WDR38: variants seen among roughly 807,000 people sequenced by gnomAD.
WDR38 encodes WD repeat-containing protein 38.
Under a neutral mutation model 36.6 loss-of-function variants are expected in WDR38, and 37 were observed. That is an observed-to-expected ratio of 1.01 (90% CI 0.78 to 1.33). The LOEUF is 1.33. Among genes scored for constraint, WDR38 ranks in the 40% most tolerant of loss-of-function variants. The pLI is 0.00. For synonymous variants in WDR38, 164 were observed against 168.1 expected (o/e 0.98, Z 0.19); for missense variants, 411 against 414.6 (o/e 0.99, Z 0.07).
chr9:124,857,803 G>C lies in WDR38; in HGVS notation c.*173G>C. 6.6e-7 allele frequency: 1 copy of C among 1,522,414 alleles called. No homozygotes were observed. The highest frequency in any genetic ancestry group is 8.9e-7 in the Non-Finnish European group (1 of 1,123,316). 94.3% of individuals were successfully genotyped at this position (1,522,414 alleles called of 1,614,324 possible). A position where few individuals can be genotyped will look rare whatever the true frequency, so the allele number is the denominator to read the frequency against. ...ACTGTGGTGGGCAGGACGCTTGCTG[G>C]AACCCATCAGACACCTGGTCCCCAA... On this transcript the variant is annotated 3_prime_UTR_variant, in exon 9 of 9. Coordinates refer to ENST00000373574, the MANE Select transcript of WDR38 (RefSeq NM_001045476.3).
chr9:124,856,719 G>A lies in WDR38; in HGVS notation c.619-13G>A, dbSNP rs773114326. ...GCCCCAAACCCTGGGGATCAGAGCT[G>A]TCTGCTGTCCAGGCATCCGGCTCCT... On this transcript the variant is annotated splice_polypyrimidine_tract_variant and intron_variant, in intron 6 of 8. Transcript: ENST00000373574. 19 of 1,613,868 alleles carry A rather than the reference G, an allele frequency of 1.2e-5. No homozygotes were observed. Among genetic ancestry groups the A allele is most frequent in the Non-Finnish European group, 1.6e-5 (19 of 1,179,980 alleles).
rs745554875 is a variant in WDR38, at chr9:124,853,626, A to G, written c.69+26A>G. On this transcript the variant is annotated intron_variant, in intron 1 of 8. Transcript: ENST00000373574. ...GTGAGGTCCAGCGGGCTCTGCCCAG[A>G]CTCCCGGCTTTGGATGCAGAGTGGT... The G allele has an allele frequency of 3.9e-6, 5 of 1,268,520 alleles. No individual in the cohort carries two copies. The Admixed American group carries it at 1.2e-4, about 30-fold the overall frequency. 78.6% of individuals were successfully genotyped at this position (1,268,520 alleles called of 1,614,324 possible).
chr9:124,854,043 C>T (rs558426519), intron 1 of WDR38, among the ~76,000 whole-genome samples, 162 bp from the exon 2 acceptor site: 2 of 152,198 alleles, frequency 1.3e-5, no homozygotes, highest in South Asian at 4.2e-4. Context: ...TTACGGGACT[C>T]GAGAGAGGGC....
intron 7 of WDR38, among the ~76,000 whole-genome samples, chr9:124,857,153 T>C (rs1829097828): frequency 6.6e-6 from 1 of 152,284 alleles, no homozygotes; most frequent in South Asian, 2.1e-4. Context: ...AAACAAAACC[T>C]ACACCAAGAG....
In WDR38 at chr9:124,854,297, G is replaced by T. The variant is rs1380474641; in HGVS notation, c.162G>T (p.Gln54His). The T allele has an allele frequency of 6.2e-7, 1 of 1,613,932 alleles. No individual in the cohort carries two copies. Among genetic ancestry groups the T allele is most frequent in the Non-Finnish European group, 8.5e-7 (1 of 1,180,020 alleles). The change falls in exon 2 of 9, where the codon CAG becomes CAT. Residue 54 changes from glutamine (Q) to histidine (H), a missense_variant. By Grantham distance (24) the Gln-to-His change is conservative (BLOSUM62 0). Transcript: ENST00000373574. Reference protein sequence around the residue: ...CVYGWETRSGQLLWRLGGHTG... With the variant: ...CVYGWETRSGHLLWRLGGHTG... ...ATGGCTGGGAGACCCGGAGTGGGCA[G>T]CTGCTGTGGAGGCTGGGTGGCCACA...
In WDR38 at chr9:124,856,877, G is replaced by A. The variant is rs373275817; in HGVS notation, c.764G>A (p.Arg255His). 46 of 1,613,650 alleles carry A rather than the reference G, an allele frequency of 2.9e-5. No homozygotes were observed. Among genetic ancestry groups the A allele is most frequent in the East Asian group, 2.5e-4 (11 of 44,888 alleles). The change falls in exon 7 of 9, where the codon CGC becomes CAC. Residue 255 changes from arginine (R) to histidine (H), a missense_variant. Transcript: ENST00000373574. ...TGGCTGGCCAGCGCCGGCTATTCCCGCATGGTAACCACCCCGGGCCCATCC... is the reference window on the plus strand; with the variant it reads ...TGGCTGGCCAGCGCCGGCTATTCCCACATGGTAACCACCCCGGGCCCATCC... ...ELWLASAGYS[R>H]MVKVWDCNTG... is the part of the protein sequence containing the mutation.
chr9:124,853,502 C>T lies in WDR38; in HGVS notation c.-30C>T. Reference sequence around the variant, plus strand: ...GGTCCCGCGGCCGCCTAGGAGGGAGCCCGCCGGGGCGGGGCGGGGCCGGGT... The same window carrying T: ...GGTCCCGCGGCCGCCTAGGAGGGAGTCCGCCGGGGCGGGGCGGGGCCGGGT... On this transcript the variant is annotated 5_prime_UTR_variant, in exon 1 of 9. Coordinates refer to ENST00000373574, the MANE Select transcript of WDR38 (RefSeq NM_001045476.3). The T allele has an allele frequency of 8.1e-7, 1 of 1,239,276 alleles. No individual in the cohort carries two copies. The highest frequency in any genetic ancestry group is 1.0e-6 in the Non-Finnish European group (1 of 984,260). The allele number at this position is 1,239,276 out of a possible 1,614,324, so 76.8% of individuals were successfully genotyped here.
intron 2 of WDR38, among the ~76,000 whole-genome samples, chr9:124,855,087 T>C (rs1829012638): frequency 6.6e-6 from 1 of 152,174 alleles, no homozygotes; most frequent in African/African-American, 2.4e-5. Context: ...AGTATTTGTC[T>C]TTTTGTGACT....
rs115188216 is a variant in WDR38, at chr9:124,856,113, G to A, written c.406-127G>A. 5.0e-3 allele frequency: 7,570 copies of A among 1,517,740 alleles called. 308 individuals are homozygous for A. In the African/African-American group the frequency reaches 0.088, roughly 18 times the overall value. The allele number at this position is 1,517,740 out of a possible 1,614,324, so 94.0% of individuals were successfully genotyped here. A position where few individuals can be genotyped will look rare whatever the true frequency, so the allele number is the denominator to read the frequency against. On this transcript the variant is annotated intron_variant, in intron 4 of 8. Coordinates refer to ENST00000373574, the MANE Select transcript of WDR38 (RefSeq NM_001045476.3). ...AGGCTGCCCCCACCTGGCCACAGCC[G>A]CCTCTCCAGGCTTCCTTGCACACAG...
rs202130392 is a variant in WDR38, at chr9:124,857,466, G to C, written c.817-36G>C. On this transcript the variant is annotated intron_variant, in intron 8 of 8. Coordinates refer to ENST00000373574, the MANE Select transcript of WDR38 (RefSeq NM_001045476.3). Reference sequence around the variant, plus strand: ...GCTGTGGACAGCTTCTCCCAAGGCAGGACTTGCCTCGAGCCCCACCTTCTA... The same window carrying C: ...GCTGTGGACAGCTTCTCCCAAGGCACGACTTGCCTCGAGCCCCACCTTCTA... 8.9e-5 allele frequency: 143 copies of C among 1,614,154 alleles called. No individual in the cohort carries two copies. The East Asian group carries it at 1.3e-3, about 14-fold the overall frequency.
chr9:124,855,871 G>T lies in WDR38; in HGVS notation c.318G>T (p.Arg106=). ...GGCTGGTGCCTGCAGGTCACCAACG[G>T]AGTGTGGAGACGGTCAGCTTCAGCC... ...KCLRVLKGHQ[R]SVETVSFSPD... is the part of the protein sequence containing the mutation. The change falls in exon 4 of 9, where the codon CGG becomes CGT. Residue 106 remains arginine, a synonymous_variant. Coordinates refer to ENST00000373574, the MANE Select transcript of WDR38 (RefSeq NM_001045476.3). 1 of 1,614,160 alleles carries T rather than the reference G, an allele frequency of 6.2e-7. No homozygotes were observed. Among genetic ancestry groups the T allele is most frequent in the Middle Eastern group, 1.6e-4 (1 of 6,062 alleles).
chr9:124,854,352 G>A (rs766018581), intron 2 of WDR38, 27 bp downstream of exon 2: 3 of 1,611,852 alleles, frequency 1.9e-6, no homozygotes. Context: ...TGGCCGGGAA[G>A]ACCGAGGCAC....
rs374937734 is a variant in WDR38 at position 124,854,245 on chromosome 9, T to C, written c.110T>C (p.Leu37Pro). ...TTCTCCCCTGATGGCCAGATGCTGC[T>C]CACAGGCTCAGAAGATGGCTGCGTG... ...SAFSPDGQML[L>P]TGSEDGCVYG... is the part of the protein sequence containing the mutation. The change falls in exon 2 of 9, where the codon CTC becomes CCC. Residue 37 changes from leucine to proline, a missense_variant. Coordinates refer to ENST00000373574, the MANE Select transcript of WDR38 (RefSeq NM_001045476.3). 3.7e-6 allele frequency: 6 copies of C among 1,614,118 alleles called. No individual in the cohort carries two copies. The highest frequency in any genetic ancestry group is 5.1e-6 in the Non-Finnish European group (6 of 1,179,994).
chr9:124,856,222 GCT>G lies in WDR38; in HGVS notation c.406-16_406-15del, dbSNP rs1829059872. On this transcript the variant is annotated splice_polypyrimidine_tract_variant and intron_variant, in intron 4 of 8. Transcript: ENST00000373574. ...CGGCTGCCCTCTGCTGCCTTCTGCAGCTCAGGGCTCTCTCTAGTCCGGCCAGA... is the reference window on the plus strand; with the variant it reads ...CGGCTGCCCTCTGCTGCCTTCTGCAGCAGGGCTCTCTCTAGTCCGGCCAGA... The G allele has an allele frequency of 1.2e-6, 2 of 1,613,992 alleles. No individual in the cohort carries two copies. The highest frequency in any genetic ancestry group is 3.3e-5 in the Admixed American group (2 of 60,016).
intron 2 of WDR38, among the ~76,000 whole-genome samples, chr9:124,855,082 T>G (rs563182489): frequency 1.9e-4 from 29 of 152,272 alleles, no homozygotes; most frequent in Admixed American, 1.8e-3. Flanking sequence ...CACACAGTAT[T>G]TGTCTTTTTG....
At chr9:124,856,970 C>T (rs1829092454) in intron 7 of WDR38, 89 bp downstream of exon 7, 1 of 1,574,396 alleles carries the variant, frequency 6.4e-7, no homozygotes, top group South Asian at 1.1e-5. Flanking sequence ...GCCCACATCC[C>T]CACTTGCCCT....
intron 2 of WDR38, 50 bp downstream of exon 2, chr9:124,854,375 T>C (rs532251250): frequency 4.3e-5 from 69 of 1,607,188 alleles, no homozygotes; most frequent in African/African-American, 5.3e-5. Flanking sequence ...GGGTCTGGCA[T>C]GCTGCAGAGC....
rs1258488648 is a variant in WDR38, at chr9:124,856,479, C to A, written c.497C>A (p.Ser166Tyr). The A allele has an allele frequency of 3.1e-6, 5 of 1,612,158 alleles. No homozygotes were observed. The highest frequency in any genetic ancestry group is 3.3e-5 in the Admixed American group (2 of 59,790). Residue 166 changes from serine (S) to tyrosine (Y), a missense_variant, in exon 6 of 9, where the codon TCC becomes TAC. Coordinates refer to ENST00000373574, the MANE Select transcript of WDR38 (RefSeq NM_001045476.3). The stretch of plus-strand genomic sequence containing the variant: ...AGAAGCTGCCTGCAGGCCACCGGCT[C>A]CTGGGACTCCACCGTACACATCTGG... ...SPTVNCLATG[S>Y]WDSTVHIWDL... is the part of the protein sequence containing the mutation.
At chr9:124,856,961 C>G (rs1417282730) in intron 7 of WDR38, 80 bp downstream of exon 7, 4 of 1,581,628 alleles carry the variant, frequency 2.5e-6, no homozygotes, top group East Asian at 4.5e-5. Context: ...TCCAGAAATG[C>G]CCACATCCCC....
Sources: allele counts gnomAD v4.1 joint callset (sites outside exome capture counted in the v4.1 genomes callset), GRCh38; gene constraint gnomAD v4.1.1; transcripts MANE v1.5; gene names NCBI Gene and HGNC (gene_info 2026-07-23, HGNC 2026-07-21).